PIK3CA: variants seen among roughly 807,000 people sequenced by gnomAD.
PIK3CA encodes phosphatidylinositol 4,5-bisphosphate 3-kinase catalytic subunit alpha isoform.
In PIK3CA, 27 loss-of-function variants were observed where a neutral mutation model predicts 138.2. The observed-to-expected ratio is 0.20, with a 90% CI of 0.14 to 0.27. The LOEUF (loss-of-function observed/expected upper bound fraction) is 0.27. Ranked by LOEUF, PIK3CA falls within the 10% of genes least tolerant of loss-of-function variation. The pLI is 1.00. For missense variants in PIK3CA, 544 were observed against 1,277.4 expected, an observed-to-expected ratio of 0.43 and a Z score of 8.75; for synonymous variants, 358 against 413.2, an observed-to-expected ratio of 0.87 and a Z score of 1.62.
At chr3:179,179,430 A>G (rs1723785779) in intron 1 of PIK3CA, among the ~76,000 whole-genome samples, 2 of 152,248 alleles carry the variant, frequency 1.3e-5, no homozygotes, top group Non-Finnish European at 2.9e-5. Context: ...CAATTTATGT[A>G]AAGTTAAGAC....
In PIK3CA at chr3:179,201,552, G is replaced by C. The variant is rs2108390281; in HGVS notation, c.813+12G>C. ...TGAGTCAGTATAAGGTGAGTAACAA[G>C]TTTCAAAATATTAATTTTTAATTTA... is the stretch of plus-strand genomic sequence containing the variant. On this transcript the variant is annotated intron_variant, in intron 4 of 20. Coordinates refer to ENST00000263967, the MANE Select transcript of PIK3CA (RefSeq NM_006218.4). 2 of 1,504,546 alleles carry C rather than the reference G, an allele frequency of 1.3e-6. No homozygotes were observed. Among genetic ancestry groups the C allele is most frequent in the Non-Finnish European group, 1.8e-6 (2 of 1,108,470 alleles). 93.2% of individuals were successfully genotyped at this position (1,504,546 alleles called of 1,614,324 possible).
At chr3:179,165,900 TGAGTA>T (rs1723406171) in intron 1 of PIK3CA, among the ~76,000 whole-genome samples, 1 of 152,172 alleles carries the variant, frequency 6.6e-6, no homozygotes, top group Admixed American at 6.5e-5. Context: ...ATATGTAATC[TGAGTA>T]AAGTATTCCC....
chr3:179,208,614 CTG>C (rs1165210787), intron 6 of PIK3CA, among the ~76,000 whole-genome samples: 1 of 152,068 alleles, frequency 6.6e-6, no homozygotes, highest in Non-Finnish European at 1.5e-5. Context: ...AAATACAAAA[CTG>C]TTTATTGTAT....
chr3:179,183,081 A>C (rs1723888830), intron 1 of PIK3CA, among the ~76,000 whole-genome samples: 1 of 152,190 alleles, frequency 6.6e-6, no homozygotes, highest in African/African-American at 2.4e-5. Flanking sequence ...TTTGCTTGCC[A>C]AAGTTATTAC....
intron 9 of PIK3CA, among the ~76,000 whole-genome samples, chr3:179,212,417 C>T (rs1056301548): frequency 3.3e-5 from 5 of 150,406 alleles, no homozygotes; most frequent in South Asian, 2.1e-4. Context: ...AAGACCAGCC[C>T]GGCCAATATG....
intron 1 of PIK3CA, among the ~76,000 whole-genome samples, chr3:179,191,678 C>G (rs145262122): frequency 3.9e-5 from 6 of 151,936 alleles, no homozygotes; most frequent in African/African-American, 1.5e-4. Context: ...CTCTTGTTGC[C>G]CAGGCTAGAG....
At chr3:179,231,476 T>C (rs1725209379) in intron 20 of PIK3CA, among the ~76,000 whole-genome samples, 1 of 152,062 alleles carries the variant, frequency 6.6e-6, no homozygotes, top group Non-Finnish European at 1.5e-5. Flanking sequence ...TTTTTGACTT[T>C]TTAATTATGG....
intron 4 of PIK3CA, among the ~76,000 whole-genome samples, chr3:179,202,473 T>C (rs1724441270): frequency 6.6e-6 from 1 of 152,218 alleles, no homozygotes; most frequent in Admixed American, 6.5e-5. Flanking sequence ...TATTGATACT[T>C]TCCTACTCTC....
chr3:179,235,578 GTC>G lies in PIK3CA; in HGVS notation c.*1217_*1218del, dbSNP rs2108431520. On this transcript the variant is annotated 3_prime_UTR_variant, in exon 21 of 21. Coordinates refer to ENST00000263967, the MANE Select transcript of PIK3CA (RefSeq NM_006218.4). ...TCCATTCTCTTTTATAATTGAGAAT[GTC>G]TCAATCATATGAAATTAGTTACCAG... is the stretch of plus-strand genomic sequence containing the variant. The G allele has an allele frequency of 5.0e-6, 1 of 201,958 alleles. No individual in the cohort carries two copies. Among genetic ancestry groups the G allele is most frequent in the South Asian group, 1.9e-4 (1 of 5,276 alleles). The allele number at this position is 201,958 out of a possible 1,614,324, so 12.5% of individuals were successfully genotyped here.
Position 179,230,088 on chromosome 3 carries a change from C to T in PIK3CA, c.2751C>T (p.His917=), listed in dbSNP as rs2108424340. The change falls in exon 19 of 21, where the codon CAC becomes CAT. Residue 917 remains histidine, a synonymous_variant. Transcript: ENST00000263967. This position sits in a 1 kb window ranked among gnomAD's most constrained non-coding sequence, Gnocchi z 5.4. ...ATFILGIGDR[H]NSNIMVKDDG... ...TCATTTTGGGAATTGGAGATCGTCA[C>T]AATAGTAACATCATGGTGAAAGACG... is the stretch of plus-strand genomic sequence containing the variant. 6.2e-7 allele frequency: 1 copy of T among 1,612,490 alleles called. No individual in the cohort carries two copies. The highest frequency in any genetic ancestry group is 8.5e-7 in the Non-Finnish European group (1 of 1,178,690).
chr3:179,215,826 C>G (rs1284271163), intron 9 of PIK3CA, among the ~76,000 whole-genome samples: 4 of 152,138 alleles, frequency 2.6e-5, no homozygotes, highest in Non-Finnish European at 5.9e-5. Flanking sequence ...AAGCATTAGA[C>G]AAATCATAAT....
chr3:179,171,036 C>G (rs1221844196), intron 1 of PIK3CA, among the ~76,000 whole-genome samples: 1 of 152,092 alleles, frequency 6.6e-6, no homozygotes, highest in African/African-American at 2.4e-5. Context: ...GAATAGTATA[C>G]TGGCCCACAA....
chr3:179,230,126 T>C lies in PIK3CA; in HGVS notation c.2784+5T>C, dbSNP rs1725177811. 3.1e-6 allele frequency: 5 copies of C among 1,597,022 alleles called. No individual in the cohort carries two copies. Among genetic ancestry groups the C allele is most frequent in the African/African-American group, 1.3e-5 (1 of 74,438 alleles). On this transcript the variant is annotated splice_donor_5th_base_variant and intron_variant, in intron 19 of 20. Coordinates refer to ENST00000263967, the MANE Select transcript of PIK3CA (RefSeq NM_006218.4). This position sits in a 1 kb window ranked among gnomAD's most constrained non-coding sequence, Gnocchi z 5.4. ...ATGGTGAAAGACGATGGACAAGTAA[T>C]GGTTTTCTCTGTTTAAAATGTTTTG...
intron 1 of PIK3CA, among the ~76,000 whole-genome samples, chr3:179,178,654 G>A (rs530754522): frequency 8.5e-5 from 13 of 152,102 alleles, no homozygotes; most frequent in African/African-American, 2.7e-4. Flanking sequence ...TCCATGGTTC[G>A]CTAGGACAAC....
At chr3:179,229,237 A>G (rs201657913) in intron 17 of PIK3CA, 35 bp from the exon 18 acceptor site, 18 of 1,541,502 alleles carry the variant, frequency 1.2e-5, no homozygotes, top group Middle Eastern at 3.4e-4. Context: ...TTAAAATTCC[A>G]TCATTTAATT....
chr3:179,234,027 G>T lies in PIK3CA; in HGVS notation c.2937-67G>T, dbSNP rs1725275689. The T allele has an allele frequency of 2.6e-6, 3 of 1,160,450 alleles. No individual in the cohort carries two copies. The highest frequency in any genetic ancestry group is 3.4e-5 in the South Asian group (2 of 58,820). The allele number at this position is 1,160,450 out of a possible 1,614,324, so 71.9% of individuals were successfully genotyped here. ...AAGCCTCTCTAATTTTGTGACATTT[G>T]AGCAAAGACCTGAAGGTATTAACAT... On this transcript the variant is annotated intron_variant, in intron 20 of 20. Transcript: ENST00000263967. The surrounding 1 kb of genome is among the most constrained non-coding windows in gnomAD (Gnocchi z 5.1).
rs2108433721 is a variant in PIK3CA at position 179,238,728 on chromosome 3, C to T, written c.*4364C>T. 4.4e-6 allele frequency: 1 copy of T among 226,702 alleles called. No individual in the cohort carries two copies. The highest frequency in any genetic ancestry group is 1.8e-4 in the South Asian group (1 of 5,468). The allele number at this position is 226,702 out of a possible 1,614,324, so 14.0% of individuals were successfully genotyped here. On this transcript the variant is annotated 3_prime_UTR_variant, in exon 21 of 21. Coordinates refer to ENST00000263967, the MANE Select transcript of PIK3CA (RefSeq NM_006218.4). Reference sequence around the variant, plus strand: ...GAAATTCATTTTGTTCTCTCTTCTTCATTATTAGTGCATTTGGTGTGTGTA... The same window carrying T: ...GAAATTCATTTTGTTCTCTCTTCTTTATTATTAGTGCATTTGGTGTGTGTA...
chr3:179,179,198 T>C (rs894957086), intron 1 of PIK3CA, among the ~76,000 whole-genome samples: 1 of 152,320 alleles, frequency 6.6e-6, no homozygotes, highest in Non-Finnish European at 1.5e-5. Flanking sequence ...ATAACAAAAA[T>C]TGATGTAGGA....
At chr3:179,221,533 G>A (rs1441387104) in intron 14 of PIK3CA, among the ~76,000 whole-genome samples, 2 of 151,824 alleles carry the variant, frequency 1.3e-5, no homozygotes, top group Non-Finnish European at 2.9e-5. Context: ...TCCTTATTCT[G>A]TCATTTATTG....
Sources: allele counts gnomAD v4.1 joint callset (sites outside exome capture counted in the v4.1 genomes callset), GRCh38; gene constraint gnomAD v4.1.1; non-coding constraint Gnocchi (gnomAD v3.1); transcripts MANE v1.5; gene names NCBI Gene and HGNC (gene_info 2026-07-23, HGNC 2026-07-21).